Variants in ROBO2 observed in about 807,000 individuals in gnomAD.
ROBO2 encodes roundabout guidance receptor 2.
Under a neutral mutation model 160.8 loss-of-function variants are expected in ROBO2, and 53 were observed. That is an observed-to-expected ratio of 0.33 (90% CI 0.26 to 0.41). The LOEUF is 0.41. Ranked by LOEUF, ROBO2 falls within the 10% of genes least tolerant of loss-of-function variation. The pLI is 1.00. For missense variants in ROBO2, 1,577 were observed against 1,722.4 expected (o/e 0.92, Z 1.49); for synonymous variants, 664 against 611.7 (o/e 1.09, Z -1.26).
intron 1 of ROBO2, among the ~76,000 whole-genome samples, chr3:75,910,762 A>G (rs969929130): frequency 2.3e-4 from 35 of 152,206 alleles, no homozygotes; most frequent in Admixed American, 1.3e-4. Flanking sequence ...TGAAGAGACT[A>G]TAGTGTTGAC....
chr3:76,701,528 T>C (rs994427641), intron 2 of ROBO2, among the ~76,000 whole-genome samples: 10 of 152,058 alleles, frequency 6.6e-5, no homozygotes, highest in Admixed American at 2.0e-4. Context: ...TTTACTGTTA[T>C]TGATTCATTG....
At chr3:77,045,786 C>A (rs2064595897) in intron 1 of ROBO2, among the ~76,000 whole-genome samples, 2 of 152,228 alleles carry the variant, frequency 1.3e-5, no homozygotes, top group African/African-American at 4.8e-5. Context: ...CCTCCACCAA[C>A]CACAAGAAAT....
intron 2 of ROBO2, among the ~76,000 whole-genome samples, chr3:76,216,040 A>C (rs1034255990): frequency 6.6e-6 from 1 of 152,194 alleles, no homozygotes; most frequent in East Asian, 1.9e-4. Flanking sequence ...TCAACCCAGA[A>C]TTTCATATCC....
intron 2 of ROBO2, among the ~76,000 whole-genome samples, chr3:76,170,114 T>C (rs2072988811): frequency 6.6e-6 from 1 of 152,124 alleles, no homozygotes; most frequent in South Asian, 2.1e-4. Flanking sequence ...TTTTACTCAT[T>C]CCCACATATT....
intron 21 of ROBO2, among the ~76,000 whole-genome samples, chr3:77,610,353 T>TA (rs113831701): frequency 0.01 from 1,584 of 152,136 alleles, 32 homozygotes; most frequent in African/African-American, 0.036. Flanking sequence ...GACCAGACAC[T>TA]AACATTATCC....
At chr3:75,976,761 A>C (rs2065143790) in intron 2 of ROBO2, among the ~76,000 whole-genome samples, 1 of 151,546 alleles carries the variant, frequency 6.6e-6, no homozygotes, top group African/African-American at 2.4e-5. Context: ...AATATACGGA[A>C]GAGGAATTAG....
chr3:76,019,232 T>A (rs888978916), intron 2 of ROBO2, among the ~76,000 whole-genome samples: 4 of 151,800 alleles, frequency 2.6e-5, no homozygotes, highest in Non-Finnish European at 4.4e-5. Context: ...TGAAATTGTC[T>A]AATATTTGCG....
intron 2 of ROBO2, among the ~76,000 whole-genome samples, chr3:76,794,182 AGGAAAAAATTAT>A (rs543490694): frequency 3.9e-4 from 59 of 152,074 alleles, no homozygotes; most frequent in Non-Finnish European, 7.5e-4. Context: ...TGAATAAATG[AGGAAAAAATTAT>A]GGAAAAAATT....
At chr3:77,592,798 C>A (rs1178923201) in intron 17 of ROBO2, among the ~76,000 whole-genome samples, 1 of 152,074 alleles carries the variant, frequency 6.6e-6, no homozygotes, top group Non-Finnish European at 1.5e-5. Context: ...GATCCACCCC[C>A]TCCTTGGCCT....
chr3:77,643,801 G>A (rs2153724263), intron 24 of ROBO2, among the ~76,000 whole-genome samples: 1 of 152,270 alleles, frequency 6.6e-6, no homozygotes, highest in African/African-American at 2.4e-5. Flanking sequence ...TTTGGAAAAT[G>A]TCATTTGTGC....
chr3:77,018,158 A>T (rs1559851638), intron 2 of ROBO2, among the ~76,000 whole-genome samples: 1 of 152,202 alleles, frequency 6.6e-6, no homozygotes, highest in Non-Finnish European at 1.5e-5. Context: ...GCTGGAGTGC[A>T]GTGGCGCAAT....
chr3:77,478,178 C>A (rs2084268383), intron 3 of ROBO2, among the ~76,000 whole-genome samples: 2 of 152,028 alleles, frequency 1.3e-5, no homozygotes, highest in Admixed American at 6.6e-5. Flanking sequence ...TCATGCAGTA[C>A]CTGAGTGTTA....
intron 2 of ROBO2, among the ~76,000 whole-genome samples, chr3:76,579,975 T>C (rs1560182550): frequency 6.6e-6 from 1 of 152,078 alleles, no homozygotes; most frequent in Non-Finnish European, 1.5e-5. Context: ...CAGCAAGTAC[T>C]TTGATTTAGC....
intron 2 of ROBO2, among the ~76,000 whole-genome samples, chr3:76,075,828 G>A (rs943489789): frequency 2.6e-5 from 4 of 152,160 alleles, no homozygotes; most frequent in Non-Finnish European, 5.9e-5. Flanking sequence ...AACACTATGA[G>A]GCAATTGTCT....
chr3:77,481,038 T>G, intron 3 of ROBO2, 61 bp from the exon 4 acceptor site: 2 of 1,408,998 alleles, frequency 1.4e-6, no homozygotes. Flanking sequence ...ATTAATGACC[T>G]TTATTTTCTA....
At chr3:76,632,235 C>T (rs79260393) in intron 2 of ROBO2, among the ~76,000 whole-genome samples, 1 of 152,154 alleles carries the variant, frequency 6.6e-6, no homozygotes, top group Non-Finnish European at 1.5e-5. Context: ...CTATAATGTC[C>T]TCATCTGTAA....
chr3:75,990,133 A>G (rs2065526010), intron 2 of ROBO2, among the ~76,000 whole-genome samples: 2 of 152,232 alleles, frequency 1.3e-5, no homozygotes, highest in Admixed American at 1.3e-4. Flanking sequence ...CATAAAATAT[A>G]TCTCAATTGT....
chr3:77,434,398 A>G (rs2079084338), intron 2 of ROBO2, among the ~76,000 whole-genome samples: 1 of 152,168 alleles, frequency 6.6e-6, no homozygotes, highest in African/African-American at 2.4e-5. Flanking sequence ...CAGCCTCACC[A>G]GAATGGAATC....
intron 2 of ROBO2, among the ~76,000 whole-genome samples, chr3:76,223,366 C>T (rs972284983): frequency 6.6e-6 from 1 of 151,618 alleles, no homozygotes; most frequent in Non-Finnish European, 1.5e-5. Flanking sequence ...AGGCTGATAC[C>T]TTTGGTGTGG....
Sources: allele counts gnomAD v4.1 joint callset (sites outside exome capture counted in the v4.1 genomes callset), GRCh38; gene constraint gnomAD v4.1.1; transcripts MANE v1.5; gene names NCBI Gene and HGNC (gene_info 2026-07-23, HGNC 2026-07-21).